The following MYH11 variants were observed in gnomAD, a reference collection of about 807,000 sequenced individuals.
The protein encoded by MYH11 is myosin-11.
MYH11 carries 80 observed loss-of-function variants against 246.6 expected under a neutral mutation model. That is an observed-to-expected ratio of 0.32 (90% CI 0.27 to 0.39). The LOEUF (loss-of-function observed/expected upper bound fraction) is 0.39, where lower values mean the gene tolerates loss of function less well. Among genes scored for constraint, MYH11 ranks in the 10% least tolerant of loss-of-function variants. MYH11 has a pLI of 1.00. For missense variants in MYH11, 2,158 were observed against 2,546.8 expected, an observed-to-expected ratio of 0.85 and a Z score of 3.29; for synonymous variants, 1,071 against 1,015.5, an observed-to-expected ratio of 1.05 and a Z score of -1.04.
chr16:15,847,707 T>G (rs994364127), intron 1 of MYH11, among the ~76,000 whole-genome samples: 2 of 152,172 alleles, frequency 1.3e-5, no homozygotes, highest in Non-Finnish European at 2.9e-5. Context: ...CAAGATCAAG[T>G]GCAAAGATTC....
chr16:15,748,212 C>T, intron 16 of MYH11, 44 bp from the exon 17 acceptor site: 1 of 1,610,584 alleles, frequency 6.2e-7, no homozygotes, highest in East Asian at 2.2e-5. Flanking sequence ...GGCCAGAAAC[C>T]ATGGCGCAGC....
intron 3 of MYH11, among the ~76,000 whole-genome samples, chr16:15,802,155 C>T (rs1415121072): frequency 6.6e-6 from 1 of 152,150 alleles, no homozygotes; most frequent in Non-Finnish European, 1.5e-5. Context: ...ATGAAACCAT[C>T]ATGACCACAA....
At chr16:15,778,735 AG>A in intron 7 of MYH11, 44 bp downstream of exon 7, 3 of 1,580,296 alleles carry the variant, frequency 1.9e-6, no homozygotes, top group Non-Finnish European at 1.7e-6. Flanking sequence ...GGAGATTGGT[AG>A]GGGGCAGGGG....
At chr16:15,737,933 C>T (rs2041168565) in intron 24 of MYH11, among the ~76,000 whole-genome samples, 2 of 152,224 alleles carry the variant, frequency 1.3e-5, no homozygotes, top group Non-Finnish European at 1.5e-5. Flanking sequence ...GCTGGGATTA[C>T]AGGCGCCCGC....
At chr16:15,762,694 T>G (rs1056261549) in intron 10 of MYH11, among the ~76,000 whole-genome samples, 6 of 152,188 alleles carry the variant, frequency 3.9e-5, no homozygotes, top group African/African-American at 1.2e-4. Flanking sequence ...TTAAAAACTC[T>G]GATCCACGAA....
chr16:15,820,604 C>T (rs900892408), intron 3 of MYH11, among the ~76,000 whole-genome samples: 3 of 151,978 alleles, frequency 2.0e-5, no homozygotes, highest in Non-Finnish European at 4.4e-5. Flanking sequence ...TAAAAGAAGC[C>T]CTTAGGAAAA....
At chr16:15,812,317 C>A (rs1033857096) in intron 3 of MYH11, among the ~76,000 whole-genome samples, 1 of 152,018 alleles carries the variant, frequency 6.6e-6, no homozygotes, top group African/African-American at 2.4e-5. Flanking sequence ...ACCCAATAAA[C>A]CTTGTAAGCA....
intron 5 of MYH11, chr16:15,784,877 C>CT: frequency 1.3e-6 from 1 of 741,782 alleles, no homozygotes; most frequent in Non-Finnish European, 2.3e-6. Context: ...TCTTTTCTCT[C>CT]TGTTTAGCTG....
At position 15,725,151 on chromosome 16, in the gene MYH11, AC is replaced by A. The variant is rs1407121848; in HGVS notation, c.3859-160del. The A allele has an allele frequency of 4.1e-5, 26 of 641,768 alleles. No individual in the cohort carries two copies. In the African/African-American group the frequency reaches 4.7e-4, roughly 12 times the overall value. 39.8% of individuals were successfully genotyped at this position (641,768 alleles called of 1,614,324 possible). On this transcript the variant is annotated intron_variant, in intron 28 of 40. Transcript: ENST00000300036. ...GACTCTGATAAAAAAAAAAAAAAAC[AC>A]ACACACACACAAAAAAAACAGAATC...
intron 16 of MYH11, chr16:15,749,138 CATTTT>C (rs951275347): frequency 7.3e-5 from 11 of 150,676 alleles, no homozygotes; most frequent in African/African-American, 2.7e-4. Flanking sequence ...ACCTATTTAG[CATTTT>C]CTTTCCTTTT....
chr16:15,711,926 C>T (rs1008771917), intron 40 of MYH11, among the ~76,000 whole-genome samples: 4 of 152,198 alleles, frequency 2.6e-5, no homozygotes, highest in African/African-American at 9.6e-5. Context: ...CTCCTGACCT[C>T]AGGTGATCAG....
intron 3 of MYH11, among the ~76,000 whole-genome samples, chr16:15,813,263 T>C (rs1165142840): frequency 6.6e-6 from 1 of 151,910 alleles, no homozygotes; most frequent in African/African-American, 2.4e-5. Context: ...TGAGGCAGGA[T>C]TGCTGAACCC....
intron 9 of MYH11, among the ~76,000 whole-genome samples, chr16:15,765,030 G>C (rs184451269): frequency 1.3e-5 from 2 of 152,362 alleles, no homozygotes; most frequent in East Asian, 3.9e-4. Flanking sequence ...ATAAGACCAT[G>C]AGTTTCTGGA....
At position 15,724,923 on chromosome 16, in the gene MYH11, C is replaced by A. The variant is rs7196804; in HGVS notation, c.3928G>T (p.Val1310Leu). ...TGGAGCTGGGAACTGAGGGACGCCA[C>A]GTCCTTGGCCAGCTTAATGGCCTTC... is the stretch of plus-strand genomic sequence containing the variant. ...EGKAIKLAKD[V>L]ASLSSQLQDT... The change falls in exon 29 of 41, where the codon GTG (valine) becomes TTG (leucine). Residue 1310 changes from valine (V) to leucine (L), a missense_variant. By Grantham distance (32) the Val-to-Leu change is conservative. Transcript: ENST00000300036. 3.7e-6 allele frequency: 6 copies of A among 1,614,162 alleles called. No homozygotes were observed. Among genetic ancestry groups the A allele is most frequent in the Non-Finnish European group, 5.1e-6 (6 of 1,180,032 alleles).
chr16:15,717,113 T>C, intron 38 of MYH11, 27 bp downstream of exon 38: 2 of 1,611,702 alleles, frequency 1.2e-6, no homozygotes, highest in South Asian at 1.1e-5. Flanking sequence ...CCCTGCAAAC[T>C]GGGTTCGGAA....
chr16:15,821,191 C>G (rs1367624948), intron 3 of MYH11, among the ~76,000 whole-genome samples: 1 of 152,212 alleles, frequency 6.6e-6, no homozygotes, highest in Non-Finnish European at 1.5e-5. Flanking sequence ...ATTTTTCAAG[C>G]TCAGTCAAAT....
chr16:15,807,446 C>G (rs1377747923), intron 3 of MYH11, among the ~76,000 whole-genome samples: 1 of 152,086 alleles, frequency 6.6e-6, no homozygotes, highest in Admixed American at 6.6e-5. Context: ...TTTTTTCACA[C>G]TGACCTGAGC....
At chr16:15,840,291 A>G (rs568458480) in intron 1 of MYH11, among the ~76,000 whole-genome samples, 1 of 152,344 alleles carries the variant, frequency 6.6e-6, no homozygotes, top group South Asian at 2.1e-4. Context: ...AGCTAGAAGA[A>G]GGACATTGAA....
At chr16:15,746,996 G>A (rs35205994) in intron 19 of MYH11, among the ~76,000 whole-genome samples, 4,727 of 152,076 alleles carry the variant, frequency 0.031, 165 homozygotes, top group East Asian at 0.11. Context: ...GCTCAGACAC[G>A]AGAATTGCTT....
Sources: gnomAD v4.1 joint callset for allele counts (sites outside exome capture counted in the v4.1 genomes callset) on GRCh38, gnomAD v4.1.1 for gene constraint, MANE v1.5 for transcripts, NCBI Gene and HGNC (gene_info 2026-07-23, HGNC 2026-07-21) for gene names.